FBXW7: variants seen among roughly 807,000 people sequenced by gnomAD.
FBXW7 encodes the protein F-box and WD repeat domain containing 7, also known as F-box/WD repeat-containing protein 7.
A neutral mutation model predicts 86.3 loss-of-function variants in FBXW7; 11 were observed. That is an observed-to-expected ratio of 0.13 (90% CI 0.08 to 0.21). FBXW7 has a LOEUF of 0.21. Ranked by LOEUF, FBXW7 falls within the 10% of genes least tolerant of loss-of-function variation. The pLI is 1.00. For missense variants in FBXW7, 488 were observed against 847.4 expected, an observed-to-expected ratio of 0.58 and a Z score of 5.27; for synonymous variants, 313 against 297.9, an observed-to-expected ratio of 1.05 and a Z score of -0.52.
chr4:152,435,015 G>A (rs1327457281), intron 2 of FBXW7, among the ~76,000 whole-genome samples: 2 of 133,078 alleles, frequency 1.5e-5, no homozygotes, highest in Non-Finnish European at 3.2e-5. Context: ...GCCTTCATTT[G>A]AGCAATGGGT....
intron 11 of FBXW7, among the ~76,000 whole-genome samples, chr4:152,327,148 G>A (rs1251343939): frequency 6.6e-6 from 1 of 151,932 alleles, no homozygotes; most frequent in African/African-American, 2.4e-5. Context: ...TAATTAAAGG[G>A]TTGAGAGAAC....
intron 2 of FBXW7, among the ~76,000 whole-genome samples, chr4:152,527,586 T>G (rs987093961): frequency 6.6e-6 from 1 of 152,076 alleles, no homozygotes; most frequent in South Asian, 2.1e-4. Flanking sequence ...CTGGGCAATA[T>G]AGTGAGACCC....
At chr4:152,477,591 T>C (rs2149663651) in intron 2 of FBXW7, among the ~76,000 whole-genome samples, 1 of 152,296 alleles carries the variant, frequency 6.6e-6, no homozygotes, top group South Asian at 2.1e-4. Flanking sequence ...ATATTTGTCA[T>C]TTGAATTTTT....
At chr4:152,415,614 C>T (rs923257058) in intron 2 of FBXW7, among the ~76,000 whole-genome samples, 1 of 152,046 alleles carries the variant, frequency 6.6e-6, no homozygotes, top group Non-Finnish European at 1.5e-5. Context: ...TATCTTATTA[C>T]TCCACTGCTC....
intron 6 of FBXW7, among the ~76,000 whole-genome samples, chr4:152,342,833 G>A (rs72720000): frequency 6.6e-6 from 1 of 152,272 alleles, no homozygotes; most frequent in Non-Finnish European, 1.5e-5. Context: ...TACAAAAGTC[G>A]TTAAAATGTT....
chr4:152,347,413 T>A (rs1481873476), intron 5 of FBXW7, among the ~76,000 whole-genome samples: 1 of 152,186 alleles, frequency 6.6e-6, no homozygotes, highest in African/African-American at 2.4e-5. Flanking sequence ...ACTTCTCCTA[T>A]GACTGGTCTT....
chr4:152,399,048 G>GA (rs1181054237), intron 4 of FBXW7, among the ~76,000 whole-genome samples: 1 of 152,068 alleles, frequency 6.6e-6, no homozygotes, highest in Non-Finnish European at 1.5e-5. Flanking sequence ...ATATAAGCAA[G>GA]ATACAAAATT....
intron 2 of FBXW7, among the ~76,000 whole-genome samples, chr4:152,521,233 C>T (rs1038546887): frequency 6.6e-6 from 1 of 152,004 alleles, no homozygotes; most frequent in African/African-American, 2.4e-5. Context: ...CACAGAGATA[C>T]TGTGGGTAAC....
chr4:152,518,581 G>A (rs1408855760), intron 2 of FBXW7, among the ~76,000 whole-genome samples: 3 of 152,186 alleles, frequency 2.0e-5, no homozygotes, highest in Non-Finnish European at 4.4e-5. Flanking sequence ...ATAGGCATAA[G>A]CCATCACGCT....
intron 2 of FBXW7, among the ~76,000 whole-genome samples, chr4:152,528,938 T>TTGTG (rs142822510): frequency 4.2e-4 from 63 of 150,044 alleles, no homozygotes; most frequent in Middle Eastern, 3.4e-3. Context: ...CATACATACT[T>TTGTG]TGTGTGTGTG....
chr4:152,409,688 A>T (rs528587375), intron 4 of FBXW7, among the ~76,000 whole-genome samples: 3 of 151,294 alleles, frequency 2.0e-5, no homozygotes, highest in African/African-American at 7.2e-5. Context: ...AATATATCAA[A>T]AACTATACAT....
intron 2 of FBXW7, among the ~76,000 whole-genome samples, chr4:152,417,538 C>T (rs1374739672): frequency 1.3e-5 from 2 of 151,984 alleles, no homozygotes; most frequent in Non-Finnish European, 2.9e-5. Flanking sequence ...AGAGGCAGAC[C>T]AACAAGGGGG....
At chr4:152,484,258 ATT>A (rs970352731) in intron 2 of FBXW7, among the ~76,000 whole-genome samples, 1 of 151,648 alleles carries the variant, frequency 6.6e-6, no homozygotes, top group Non-Finnish European at 1.5e-5. Context: ...TGTATAGAGG[ATT>A]TTTTTTTCTT....
intron 4 of FBXW7, among the ~76,000 whole-genome samples, chr4:152,399,786 ACT>A (rs1356005707): frequency 6.6e-6 from 1 of 152,082 alleles, no homozygotes; most frequent in Non-Finnish European, 1.5e-5. Flanking sequence ...AAACTATAAA[ACT>A]CTGATAAAAA....
At chr4:152,427,583 A>AAATTAC (rs1485025761) in intron 2 of FBXW7, among the ~76,000 whole-genome samples, 2 of 152,192 alleles carry the variant, frequency 1.3e-5, no homozygotes, top group African/African-American at 4.8e-5. Flanking sequence ...GGATTAGATA[A>AAATTAC]AATTACCTCT....
chr4:152,515,799 G>A (rs771959107), intron 2 of FBXW7, among the ~76,000 whole-genome samples: 9 of 140,166 alleles, frequency 6.4e-5, no homozygotes, highest in Non-Finnish European at 1.4e-4. Flanking sequence ...ATAATGTGTT[G>A]TATCATGTTT....
intron 2 of FBXW7, among the ~76,000 whole-genome samples, chr4:152,524,934 C>A (rs1749371794): frequency 6.6e-6 from 1 of 152,124 alleles, no homozygotes; most frequent in Admixed American, 6.6e-5. Context: ...TAAGAGACCA[C>A]CAATCATGCA....
At chr4:152,412,905 C>A (rs1738097758) in intron 2 of FBXW7, among the ~76,000 whole-genome samples, 1 of 152,044 alleles carries the variant, frequency 6.6e-6, no homozygotes, top group Non-Finnish European at 1.5e-5. Flanking sequence ...ATATATCAAG[C>A]ATGTTTGCCT....
chr4:152,496,096 G>C (rs1274185876), intron 2 of FBXW7, among the ~76,000 whole-genome samples: 3 of 152,130 alleles, frequency 2.0e-5, no homozygotes, highest in Admixed American at 2.0e-4. Context: ...AGAATTGCTT[G>C]AACCCAGGCA....
Sources: allele counts gnomAD v4.1 joint callset (sites outside exome capture counted in the v4.1 genomes callset), GRCh38; gene constraint gnomAD v4.1.1; transcripts MANE v1.5; gene names NCBI Gene and HGNC (gene_info 2026-07-23, HGNC 2026-07-21).